PSD3: variants seen among roughly 807,000 people sequenced by gnomAD.
PSD3 encodes the protein pleckstrin and Sec7 domain containing 3.
A neutral mutation model predicts 105.5 loss-of-function variants in PSD3; 49 were observed. The ratio of observed to expected loss-of-function variants is 0.46; its 90% CI spans 0.37 to 0.59. The LOEUF is 0.59. PSD3 is among the 20% of genes least tolerant of loss of function. PSD3 has a pLI of 0.00. For synonymous variants in PSD3, 557 were observed against 457.8 expected (o/e 1.22, Z -2.77); for missense variants, 1,561 against 1,263.8 (o/e 1.24, Z -3.57).
At chr8:18,828,589 C>A (rs139333748) in intron 4 of PSD3, among the ~76,000 whole-genome samples, 31 of 151,978 alleles carry the variant, frequency 2.0e-4, no homozygotes, top group Non-Finnish European at 2.9e-5. Flanking sequence ...CTGCTCGAGC[C>A]CGGGAGTTCA....
At chr8:19,032,649 C>CAA (rs59029468) in intron 1 of PSD3, among the ~76,000 whole-genome samples, 1,765 of 108,192 alleles carry the variant, frequency 0.016, 48 homozygotes, top group African/African-American at 0.055. Context: ...GACTCTGTCT[C>CAA]AAAAAAAAAA....
At chr8:18,556,112 C>A in intron 15 of PSD3, 97 bp downstream of exon 15, 1 of 1,400,640 alleles carries the variant, frequency 7.1e-7, no homozygotes, top group Non-Finnish European at 9.6e-7. Context: ...GCAAGACACG[C>A]CTCTCTCAGT....
intron 9 of PSD3, among the ~76,000 whole-genome samples, chr8:18,681,687 A>G (rs1265263212): frequency 2.0e-5 from 3 of 152,088 alleles, no homozygotes; most frequent in African/African-American, 7.2e-5. Flanking sequence ...AGTTTATTTC[A>G]TTTAGGGAAT....
intron 11 of PSD3, 75 bp from the exon 12 acceptor site, chr8:18,600,509 G>A (rs1804357819): frequency 8.2e-7 from 1 of 1,217,452 alleles, no homozygotes. Context: ...GATCAACATG[G>A]TGACAGTGTT....
intron 12 of PSD3, among the ~76,000 whole-genome samples, chr8:18,593,864 T>C (rs1803800521): frequency 1.3e-5 from 2 of 148,474 alleles, no homozygotes; most frequent in South Asian, 2.1e-4. Context: ...CTCAGCAAAC[T>C]ATCACAAGGA....
chr8:19,004,452 G>C (rs1269222079), intron 1 of PSD3, among the ~76,000 whole-genome samples: 1 of 152,006 alleles, frequency 6.6e-6, no homozygotes, highest in Non-Finnish European at 1.5e-5. Context: ...TTAAGATAAA[G>C]AACTTCACTT....
intron 9 of PSD3, among the ~76,000 whole-genome samples, chr8:18,759,587 A>G (rs1806342339): frequency 6.6e-6 from 1 of 152,156 alleles, no homozygotes. Context: ...AGAAATAAAG[A>G]TCTAACAATG....
chr8:18,867,758 T>C lies in PSD3; in HGVS notation c.1550A>G (p.Tyr517Cys). Residue 517 changes from tyrosine to cysteine, a missense_variant, in exon 4 of 16, where the codon TAT (tyrosine) becomes TGT (cysteine). Tyr to Cys is a radical substitution (Grantham distance 194). Transcript: ENST00000327040. The stretch of plus-strand genomic sequence containing the variant: ...CAGCCCATTGGTGACGCCACTAGAA[T>C]AGCCCATCACGATGCCACCATCTGC... ...VSADGGIVMGYSSGVTNGLND... is the reference protein window; with the variant it reads ...VSADGGIVMGCSSGVTNGLND... The C allele has an allele frequency of 6.2e-7, 1 of 1,613,998 alleles. No individual in the cohort carries two copies. The highest frequency in any genetic ancestry group is 8.5e-7 in the Non-Finnish European group (1 of 1,179,930).
intron 4 of PSD3, among the ~76,000 whole-genome samples, chr8:18,815,897 G>A (rs191707312): frequency 2.9e-4 from 44 of 152,228 alleles, no homozygotes; most frequent in African/African-American, 1.0e-3. Context: ...TGCTCTATGC[G>A]ATATAGGGAA....
At chr8:18,731,837 T>C (rs1803773568) in intron 9 of PSD3, among the ~76,000 whole-genome samples, 1 of 152,060 alleles carries the variant, frequency 6.6e-6, no homozygotes, top group Non-Finnish European at 1.5e-5. Flanking sequence ...CTCCTTGGAG[T>C]GTCTGGGTCT....
intron 1 of PSD3, among the ~76,000 whole-genome samples, chr8:19,063,830 C>T (rs1204290595): frequency 6.6e-6 from 1 of 151,920 alleles, no homozygotes; most frequent in Non-Finnish European, 1.5e-5. Flanking sequence ...TTCCTTGAAG[C>T]CTTAGATACA....
chr8:19,014,732 G>A (rs1042229360), upstream of PSD3, among the ~76,000 whole-genome samples: 1 of 152,198 alleles, frequency 6.6e-6, no homozygotes, highest in Non-Finnish European at 1.5e-5. This position sits in a 1 kb window ranked among gnomAD's most constrained non-coding sequence, Gnocchi z 4.9. Flanking sequence ...GATGGGAGTG[G>A]AGTCAGGTTC....
At chr8:18,746,348 G>A (rs759238064) in intron 9 of PSD3, among the ~76,000 whole-genome samples, 6 of 152,232 alleles carry the variant, frequency 3.9e-5, no homozygotes, top group Non-Finnish European at 7.4e-5. Context: ...GCTGAAAGCC[G>A]TTTTCATAAC....
intron 8 of PSD3, among the ~76,000 whole-genome samples, chr8:18,776,264 A>C (rs534085485): frequency 1.1e-3 from 158 of 142,416 alleles, no homozygotes; most frequent in African/African-American, 4.1e-3. Flanking sequence ...CTCTCTCTAT[A>C]TATATATAAT....
intron 11 of PSD3, among the ~76,000 whole-genome samples, chr8:18,611,397 A>C (rs1805253640): frequency 6.6e-6 from 1 of 152,214 alleles, no homozygotes; most frequent in Non-Finnish European, 1.5e-5. Context: ...AGACAGCCTA[A>C]GAACAACAGT....
intron 9 of PSD3, among the ~76,000 whole-genome samples, chr8:18,719,685 C>A (rs376286584): frequency 6.6e-6 from 1 of 152,168 alleles, no homozygotes; most frequent in African/African-American, 2.4e-5. Context: ...ATAGTATGAT[C>A]TATTCATGGA....
At chr8:18,968,198 A>C (rs989658159) in intron 1 of PSD3, among the ~76,000 whole-genome samples, 3 of 152,194 alleles carry the variant, frequency 2.0e-5, no homozygotes, top group African/African-American at 7.2e-5. Context: ...GCTTCAATTA[A>C]GAAAACCTTA....
chr8:18,671,922 C>G (rs779169926), intron 9 of PSD3, among the ~76,000 whole-genome samples: 1 of 152,150 alleles, frequency 6.6e-6, no homozygotes, highest in Non-Finnish European at 1.5e-5. Context: ...TGAGCCACTG[C>G]GCCGGGCCTG....
At chr8:18,590,833 C>G (rs1343123967) in intron 12 of PSD3, among the ~76,000 whole-genome samples, 1 of 152,064 alleles carries the variant, frequency 6.6e-6, no homozygotes, top group African/African-American at 2.4e-5. Context: ...CATATCATTT[C>G]ACAGTCACCA....
Sources: allele counts gnomAD v4.1 joint callset (sites outside exome capture counted in the v4.1 genomes callset), GRCh38; gene constraint gnomAD v4.1.1; non-coding constraint Gnocchi (gnomAD v3.1); transcripts MANE v1.5; gene names NCBI Gene and HGNC (gene_info 2026-07-23, HGNC 2026-07-21).